The following CTNNBL1 variants were observed in gnomAD, a reference collection of about 807,000 sequenced individuals.
CTNNBL1 encodes the protein catenin beta like 1.
In CTNNBL1, 31 loss-of-function variants were observed where a neutral mutation model predicts 72.7. That is an observed-to-expected ratio of 0.43 (90% confidence interval 0.32 to 0.58). The LOEUF is 0.58. Among genes scored for constraint, CTNNBL1 ranks in the 20% least tolerant of loss-of-function variants. The pLI, the probability that CTNNBL1 is intolerant of heterozygous loss-of-function variation, is 0.08. For synonymous variants in CTNNBL1, 240 were observed against 267.3 expected (o/e 0.90, Z 1.00); for missense variants, 534 against 725.1 (o/e 0.74, Z 3.03).
At chr20:37,794,595 C>T (rs770979268) in intron 10 of CTNNBL1, among the ~76,000 whole-genome samples, 3 of 152,094 alleles carry the variant, frequency 2.0e-5, no homozygotes, top group Non-Finnish European at 2.9e-5. Context: ...CAGGTTCAAG[C>T]GATTCTTCTA....
chr20:37,741,811 A>G (rs979096551), intron 3 of CTNNBL1, among the ~76,000 whole-genome samples: 5 of 152,196 alleles, frequency 3.3e-5, no homozygotes, highest in Non-Finnish European at 5.9e-5. Context: ...TGGACCCAGT[A>G]TATTTTTGTA....
chr20:37,765,106 T>C lies in CTNNBL1; in HGVS notation c.565-91T>C, dbSNP rs1409759728. On this transcript the variant is annotated intron_variant, in intron 5 of 15. Transcript: ENST00000361383. ...CTGCTTATTTACTTACTTTGTTCATTCAAATAGTGGAGAAGTAAGTATGGG... is the reference window on the plus strand; with the variant it reads ...CTGCTTATTTACTTACTTTGTTCATCCAAATAGTGGAGAAGTAAGTATGGG... 25 of 827,394 alleles carry C rather than the reference T, an allele frequency of 3.0e-5. No individual in the cohort carries two copies. In the South Asian group the frequency reaches 3.5e-4, roughly 12 times the overall value. The allele number at this position is 827,394 out of a possible 1,614,324, so 51.3% of individuals were successfully genotyped here.
chr20:37,772,652 CTGAGTTTTAA>C (rs2073536290), intron 7 of CTNNBL1, among the ~76,000 whole-genome samples: 1 of 152,108 alleles, frequency 6.6e-6, no homozygotes, highest in East Asian at 1.9e-4. Flanking sequence ...CCGGCCCAGT[CTGAGTTTTAA>C]TAAGCCCTCA....
At chr20:37,783,719 A>G (rs1041534565) in intron 10 of CTNNBL1, among the ~76,000 whole-genome samples, 1 of 152,204 alleles carries the variant, frequency 6.6e-6, no homozygotes, top group African/African-American at 2.4e-5. Flanking sequence ...ATCAGAGAAG[A>G]TACTTGACAG....
intron 13 of CTNNBL1, among the ~76,000 whole-genome samples, chr20:37,854,632 C>T (rs2072423968): frequency 6.7e-6 from 1 of 149,872 alleles, no homozygotes; most frequent in Non-Finnish European, 1.5e-5. Flanking sequence ...CTCTGTGCCC[C>T]AGGCTGAGTG....
At chr20:37,776,126 T>G (rs1000016523) in intron 7 of CTNNBL1, among the ~76,000 whole-genome samples, 1 of 152,240 alleles carries the variant, frequency 6.6e-6, no homozygotes, top group Non-Finnish European at 1.5e-5. Context: ...CTGACTATTA[T>G]GCTGAATTTC....
intron 10 of CTNNBL1, among the ~76,000 whole-genome samples, chr20:37,782,016 G>C (rs2073629659): frequency 6.6e-6 from 1 of 152,102 alleles, no homozygotes; most frequent in Non-Finnish European, 1.5e-5. Context: ...TTTTTCATCT[G>C]AAAACCGGCA....
intron 11 of CTNNBL1, among the ~76,000 whole-genome samples, chr20:37,817,802 G>A (rs565113177): frequency 2.0e-5 from 3 of 152,338 alleles, no homozygotes; most frequent in Non-Finnish European, 4.4e-5. Flanking sequence ...ATGGGATATT[G>A]ATATCTGCCT....
intron 10 of CTNNBL1, among the ~76,000 whole-genome samples, chr20:37,784,378 A>G (rs936961988): frequency 4.6e-5 from 7 of 151,990 alleles, no homozygotes; most frequent in African/African-American, 7.2e-5. Context: ...TAAGGACTTA[A>G]TCCTGCCATT....
At chr20:37,833,568 C>CTG (rs151080142) in intron 11 of CTNNBL1, among the ~76,000 whole-genome samples, 27 of 151,950 alleles carry the variant, frequency 1.8e-4, no homozygotes, top group African/African-American at 5.1e-4. Context: ...CTTGTTGCTT[C>CTG]TGTGTGTGTG....
intron 11 of CTNNBL1, among the ~76,000 whole-genome samples, chr20:37,808,164 A>G (rs922609582): frequency 6.6e-6 from 1 of 152,184 alleles, no homozygotes; most frequent in African/African-American, 2.4e-5. Context: ...TTCAGCAGTG[A>G]CAGCAGTTGG....
At chr20:37,712,019 G>A (rs1470002938) in intron 1 of CTNNBL1, among the ~76,000 whole-genome samples, 2 of 152,238 alleles carry the variant, frequency 1.3e-5, no homozygotes, top group African/African-American at 4.8e-5. Flanking sequence ...ACAGAGTGGA[G>A]AATTGTAGAG....
At chr20:37,770,016 G>C (rs1239994805) in intron 7 of CTNNBL1, among the ~76,000 whole-genome samples, 1 of 152,140 alleles carries the variant, frequency 6.6e-6, no homozygotes, top group African/African-American at 2.4e-5. Context: ...ATTGGCCCAA[G>C]GATGCTCAGC....
intron 1 of CTNNBL1, among the ~76,000 whole-genome samples, chr20:37,720,743 T>A (rs868568290): frequency 6.6e-6 from 1 of 152,208 alleles, no homozygotes; most frequent in Non-Finnish European, 1.5e-5. Flanking sequence ...CTAATATATA[T>A]AGAGCCAAAA....
chr20:37,760,547 C>T (rs1374294434), intron 5 of CTNNBL1, among the ~76,000 whole-genome samples: 3 of 152,218 alleles, frequency 2.0e-5, no homozygotes, highest in Admixed American at 1.3e-4. Context: ...GAGGTGTGAT[C>T]CCCGTCAGGG....
Position 37,803,042 on chromosome 20 carries a change from C to A in CTNNBL1, c.1207C>A (p.His403Asn). Residue 403 changes from histidine (H) to asparagine (N), a missense_variant, in exon 11 of 16, where the codon CAT becomes AAT. Transcript: ENST00000361383. ...IKKVGTTEKE[H>N]EEHVCSILAS... ...GAAAGTGGGAACCACTGAGAAGGAA[C>A]ATGAAGGTAGGGTTCACTGGAGGAG... 1.9e-6 allele frequency: 3 copies of A among 1,613,532 alleles called. No individual in the cohort carries two copies. The highest frequency in any genetic ancestry group is 2.5e-6 in the Non-Finnish European group (3 of 1,179,644).
intron 10 of CTNNBL1, among the ~76,000 whole-genome samples, chr20:37,797,580 C>T (rs1046820436): frequency 1.1e-4 from 16 of 152,108 alleles, no homozygotes; most frequent in African/African-American, 3.4e-4. Context: ...TATTGGGCTT[C>T]AGACATAAAA....
At chr20:37,708,701 G>C (rs1459515837) in intron 1 of CTNNBL1, among the ~76,000 whole-genome samples, 1 of 152,184 alleles carries the variant, frequency 6.6e-6, no homozygotes, top group Non-Finnish European at 1.5e-5. Flanking sequence ...GTTCAGTGAA[G>C]GATCTAGTGA....
chr20:37,781,760 T>C (rs534769445), intron 10 of CTNNBL1, among the ~76,000 whole-genome samples: 7 of 152,292 alleles, frequency 4.6e-5, no homozygotes, highest in African/African-American at 1.7e-4. Flanking sequence ...TTCAAGACTA[T>C]GAAGCTGTAA....
Sources: gnomAD v4.1 joint callset for allele counts (sites outside exome capture counted in the v4.1 genomes callset) on GRCh38, gnomAD v4.1.1 for gene constraint, MANE v1.5 for transcripts, NCBI Gene and HGNC (gene_info 2026-07-23, HGNC 2026-07-21) for gene names.